Variants in AUTS2 observed in about 807,000 individuals in gnomAD.
The protein encoded by AUTS2 is autism susceptibility gene 2 protein.
In AUTS2, 17 loss-of-function variants were observed where a neutral mutation model predicts 112.4. The ratio of observed to expected loss-of-function variants is 0.15; its 90% confidence interval spans 0.10 to 0.23. The LOEUF (loss-of-function observed/expected upper bound fraction) is 0.23. Ranked by LOEUF, AUTS2 falls within the 10% of genes least tolerant of loss-of-function variation. The pLI, the probability that AUTS2 is intolerant of heterozygous loss-of-function variation, is 1.00. For missense variants in AUTS2, 1,510 were observed against 1,701.6 expected (o/e 0.89, Z 1.98); for synonymous variants, 751 against 702.7 (o/e 1.07, Z -1.09).
At chr7:70,686,721 TG>T (rs1219000862) in intron 5 of AUTS2, among the ~76,000 whole-genome samples, 7 of 151,642 alleles carry the variant, frequency 4.6e-5, no homozygotes, top group Non-Finnish European at 1.0e-4. Context: ...TTAGTAGAGA[TG>T]GGGTTTTACC....
At chr7:70,538,598 A>G (rs191769733) in intron 5 of AUTS2, among the ~76,000 whole-genome samples, 1 of 152,222 alleles carries the variant, frequency 6.6e-6, no homozygotes, top group African/African-American at 2.4e-5. Flanking sequence ...ATAGTCTTTA[A>G]TATCAGGAGG....
At chr7:70,599,524 C>T (rs1195024515) in intron 5 of AUTS2, among the ~76,000 whole-genome samples, 1 of 152,166 alleles carries the variant, frequency 6.6e-6, no homozygotes, top group Admixed American at 6.5e-5. Flanking sequence ...AACCTCAGGT[C>T]CATCCCTGGA....
Position 70,446,910 on chromosome 7 carries a change from C to T in AUTS2, c.690+11129C>T, listed in dbSNP as rs116828868. On this transcript the variant is annotated intron_variant, in intron 5 of 18. Coordinates refer to ENST00000342771, the MANE Select transcript of AUTS2 (RefSeq NM_015570.4). ...GGGATGTTTATGTCTCTATACGTCC[C>T]GGACTGGCAAGTGACTAGCTGCCTT... is the stretch of plus-strand genomic sequence containing the variant. Among the ~76,000 whole-genome samples the T allele has an allele frequency of 3.9e-3, 592 of 152,268 alleles. 7 individuals are homozygous for T. Among genetic ancestry groups the T allele is most frequent in the African/African-American group, 0.013 (533 of 41,548 alleles).
At chr7:70,781,838 C>G in intron 15 of AUTS2, 82 bp downstream of exon 15, 2 of 1,531,532 alleles carry the variant, frequency 1.3e-6, no homozygotes, top group Non-Finnish European at 8.8e-7. Flanking sequence ...GGGCTCTGAG[C>G]TGCCGCTCAG....
intron 1 of AUTS2, among the ~76,000 whole-genome samples, chr7:69,646,465 C>G (rs1177012578): frequency 6.6e-6 from 1 of 152,146 alleles, no homozygotes; most frequent in Non-Finnish European, 1.5e-5. Context: ...GGATTATAGT[C>G]AGACACTTAA....
intron 1 of AUTS2, among the ~76,000 whole-genome samples, chr7:69,641,100 A>G (rs575493286): frequency 6.6e-6 from 1 of 152,330 alleles, no homozygotes; most frequent in African/African-American, 2.4e-5. Context: ...AATAACGATG[A>G]AAGGGAGTCT....
Position 70,561,171 on chromosome 7 carries a change from C to T in AUTS2, c.690+125390C>T, listed in dbSNP as rs556253503. On this transcript the variant is annotated intron_variant, in intron 5 of 18. Coordinates refer to ENST00000342771, the MANE Select transcript of AUTS2 (RefSeq NM_015570.4). ...TTCTAAATCTTAGCATGTGAGATCA[C>T]AGGCTCCCTCTCCAAACTCATCAGT... 1.4e-4 allele frequency among the ~76,000 whole-genome samples: 21 copies of T among 152,322 alleles called. No individual in the cohort carries two copies. The South Asian group carries it at 3.9e-3, about 29-fold the overall frequency.
intron 6 of AUTS2, among the ~76,000 whole-genome samples, chr7:70,705,178 C>T (rs556936060): frequency 2.0e-5 from 3 of 152,296 alleles, no homozygotes; most frequent in Non-Finnish European, 4.4e-5. Context: ...TCCTTCCTTT[C>T]CTGTGCATAA....
chr7:69,769,895 C>T (rs951399096), intron 1 of AUTS2, among the ~76,000 whole-genome samples: 1 of 152,182 alleles, frequency 6.6e-6, no homozygotes, highest in African/African-American at 2.4e-5. Flanking sequence ...ATATGTTAAA[C>T]CTTCAGAACA....
chr7:70,170,929 T>C (rs922726885), intron 4 of AUTS2, among the ~76,000 whole-genome samples: 4 of 152,158 alleles, frequency 2.6e-5, no homozygotes, highest in African/African-American at 9.7e-5. Flanking sequence ...TTTATAACTC[T>C]ATTTAATTCC....
chr7:70,316,176 T>C (rs1293334380), intron 4 of AUTS2, among the ~76,000 whole-genome samples: 1 of 152,196 alleles, frequency 6.6e-6, no homozygotes. Context: ...TAGCTTTCCA[T>C]TGATAAATAC....
intron 5 of AUTS2, among the ~76,000 whole-genome samples, chr7:70,546,971 C>T (rs887920864): frequency 6.6e-6 from 1 of 152,136 alleles, no homozygotes. Flanking sequence ...ATTTATGTTT[C>T]TTACCAGCTC....
At chr7:69,939,829 A>T (rs528079646) in intron 2 of AUTS2, among the ~76,000 whole-genome samples, 2 of 152,298 alleles carry the variant, frequency 1.3e-5, no homozygotes, top group African/African-American at 2.4e-5. Flanking sequence ...ATAGAGAGAA[A>T]TATCTCTTTG....
chr7:70,578,910 T>G (rs1802296472), intron 5 of AUTS2, among the ~76,000 whole-genome samples: 1 of 143,576 alleles, frequency 7.0e-6, no homozygotes, highest in Non-Finnish European at 1.5e-5. Context: ...TTTCCTTTCT[T>G]TCTTTTTTTT....
At chr7:70,407,571 T>A (rs1794590969) in intron 4 of AUTS2, among the ~76,000 whole-genome samples, 1 of 152,176 alleles carries the variant, frequency 6.6e-6, no homozygotes, top group Admixed American at 6.5e-5. Flanking sequence ...AGTGATTGTT[T>A]ATTAGTTTCA....
chr7:69,663,290 A>T (rs1358107138), intron 1 of AUTS2: 1 of 152,066 alleles, frequency 6.6e-6, no homozygotes, highest in Non-Finnish European at 1.5e-5. Flanking sequence ...CAACTGCTTT[A>T]TTTATGCTTT....
chr7:70,192,733 A>G (rs1002151056), intron 4 of AUTS2, among the ~76,000 whole-genome samples: 7 of 152,208 alleles, frequency 4.6e-5, no homozygotes, highest in African/African-American at 7.2e-5. Context: ...TCACATTGCA[A>G]TGATCTGAAA....
intron 1 of AUTS2, among the ~76,000 whole-genome samples, chr7:69,835,330 A>G (rs1791674517): frequency 6.6e-6 from 1 of 152,144 alleles, no homozygotes; most frequent in Non-Finnish European, 1.5e-5. Context: ...GGCAAAATCC[A>G]TGGCATATCT....
chr7:70,033,289 C>T (rs1685259130), intron 2 of AUTS2, among the ~76,000 whole-genome samples: 1 of 152,104 alleles, frequency 6.6e-6, no homozygotes, highest in African/African-American at 2.4e-5. Flanking sequence ...AAGCAGTGAG[C>T]ACTCCTTGTA....
Sources: allele counts gnomAD v4.1 joint callset (sites outside exome capture counted in the v4.1 genomes callset), GRCh38; gene constraint gnomAD v4.1.1; transcripts MANE v1.5; gene names NCBI Gene and HGNC (gene_info 2026-07-23, HGNC 2026-07-21).